MYRIP: variants seen among roughly 807,000 people sequenced by gnomAD.
The protein encoded by MYRIP is rab effector MyRIP.
Under a neutral mutation model 98.0 loss-of-function variants are expected in MYRIP, and 49 were observed. The observed-to-expected ratio is 0.50, with a 90% confidence interval of 0.40 to 0.63. The LOEUF is 0.63. MYRIP is among the 30% of genes least tolerant of loss of function. The probability of loss-of-function intolerance (pLI) is 0.00; values close to 1 mark genes in which losing one functional copy is unlikely to be tolerated. For missense variants in MYRIP, 1,004 were observed against 1,058.2 expected, an observed-to-expected ratio of 0.95 and a Z score of 0.71; for synonymous variants, 404 against 409.5, an observed-to-expected ratio of 0.99 and a Z score of 0.16.
intron 9 of MYRIP, among the ~76,000 whole-genome samples, chr3:40,183,419 A>G (rs1388718815): frequency 6.6e-6 from 1 of 152,172 alleles, no homozygotes; most frequent in Non-Finnish European, 1.5e-5. Flanking sequence ...ACTCTTCAAC[A>G]TGTATGGAAT....
intron 1 of MYRIP, among the ~76,000 whole-genome samples, chr3:39,832,074 TTTCTGCTGC>T (rs1372000463): frequency 6.6e-6 from 1 of 152,236 alleles, no homozygotes. Context: ...GAGGAATCTC[TTTCTGCTGC>T]TTCTGCACTC....
chr3:39,968,713 T>C (rs1575422522), intron 2 of MYRIP, among the ~76,000 whole-genome samples: 1 of 152,200 alleles, frequency 6.6e-6, no homozygotes, highest in Non-Finnish European at 1.5e-5. Context: ...CCATGCTGTT[T>C]TGGTTACCAA....
rs145484148 is a variant in MYRIP, at chr3:40,119,977, G to A, written c.333-31071G>A. On this transcript the variant is annotated intron_variant, in intron 3 of 16. Coordinates refer to ENST00000302541, the MANE Select transcript of MYRIP (RefSeq NM_015460.4). ...TAATACACAAAAAGAGAGGATATTG[G>A]CTTCACCATTAGCCAGCGATGTAGC... is the stretch of plus-strand genomic sequence containing the variant. 2.5e-3 allele frequency among the ~76,000 whole-genome samples: 374 copies of A among 152,018 alleles called. 2 individuals carry two copies. Among genetic ancestry groups the A allele is most frequent in the Middle Eastern group, 0.014 (4 of 294 alleles).
At chr3:40,121,980 A>G (rs1314651265) in intron 3 of MYRIP, among the ~76,000 whole-genome samples, 1 of 152,204 alleles carries the variant, frequency 6.6e-6, no homozygotes, top group African/African-American at 2.4e-5. Context: ...AAACAGGAAA[A>G]TAGCTATATT....
chr3:40,039,626 G>A (rs1947465121), intron 2 of MYRIP, among the ~76,000 whole-genome samples: 2 of 152,042 alleles, frequency 1.3e-5, no homozygotes, highest in Non-Finnish European at 2.9e-5. Flanking sequence ...CACCAGGGAT[G>A]GTTCTTTCAG....
chr3:40,250,893 C>T (rs1383459796), intron 15 of MYRIP, among the ~76,000 whole-genome samples: 2 of 152,362 alleles, frequency 1.3e-5, no homozygotes, highest in East Asian at 3.9e-4. Context: ...CTAAAACTCC[C>T]ATCCATCTCT....
intron 12 of MYRIP, among the ~76,000 whole-genome samples, chr3:40,238,267 C>T (rs908544317): frequency 1.1e-4 from 16 of 152,192 alleles, no homozygotes; most frequent in African/African-American, 2.9e-4. Flanking sequence ...GACTTTTCTT[C>T]GTCTCTTTAA....
intron 4 of MYRIP, among the ~76,000 whole-genome samples, chr3:40,159,818 G>A (rs942819024): frequency 5.9e-5 from 9 of 152,170 alleles, no homozygotes; most frequent in African/African-American, 2.2e-4. Context: ...TCTTCACGTA[G>A]TTCTCGAGCC....
chr3:40,070,003 TACATAG>T (rs1308445417), intron 3 of MYRIP, among the ~76,000 whole-genome samples: 1 of 152,188 alleles, frequency 6.6e-6, no homozygotes, highest in Non-Finnish European at 1.5e-5. Flanking sequence ...CATGAAAAGA[TACATAG>T]ACATAAATTT....
intron 2 of MYRIP, among the ~76,000 whole-genome samples, chr3:39,903,811 C>G (rs1166469679): frequency 4.6e-5 from 7 of 152,170 alleles, no homozygotes; most frequent in African/African-American, 1.7e-4. Flanking sequence ...TTTTGTTTTC[C>G]AGATTCTCTC....
At chr3:40,066,629 AT>A (rs1487916395) in intron 3 of MYRIP, among the ~76,000 whole-genome samples, 3 of 151,882 alleles carry the variant, frequency 2.0e-5, no homozygotes, top group Non-Finnish European at 4.4e-5. Context: ...TCCTGGTTGA[AT>A]TTTTTTTTAT....
At chr3:40,185,326 T>A (rs894639065) in intron 9 of MYRIP, among the ~76,000 whole-genome samples, 3 of 152,170 alleles carry the variant, frequency 2.0e-5, no homozygotes, top group African/African-American at 7.2e-5. Context: ...TAAACCTTGA[T>A]TAGGCATCTG....
chr3:40,225,914 G>A (rs1334741022), intron 11 of MYRIP, among the ~76,000 whole-genome samples: 1 of 152,108 alleles, frequency 6.6e-6, no homozygotes, highest in Non-Finnish European at 1.5e-5. Flanking sequence ...GCTCAAACAT[G>A]TCTTTAGATG....
intron 3 of MYRIP, among the ~76,000 whole-genome samples, chr3:40,058,414 A>C (rs1947928197): frequency 6.6e-6 from 1 of 152,200 alleles, no homozygotes; most frequent in South Asian, 2.1e-4. Flanking sequence ...AACTATTTGT[A>C]CTGTATCTCA....
chr3:40,211,582 C>T (rs530790973), intron 11 of MYRIP, among the ~76,000 whole-genome samples: 2 of 152,214 alleles, frequency 1.3e-5, no homozygotes, highest in South Asian at 2.1e-4. Flanking sequence ...ATGGTAAGGG[C>T]TCTGATCCTC....
At chr3:40,142,047 A>ATTTTTTTTTTTTTT (rs768094065) in intron 3 of MYRIP, among the ~76,000 whole-genome samples, 1 of 95,950 alleles carries the variant, frequency 1.0e-5, no homozygotes, top group Non-Finnish European at 2.0e-5. Flanking sequence ...TATGCTGTTG[A>ATTTTTTTTTTTTTT]TTTTTTTTTT....
At chr3:40,227,798 C>T (rs2125693242) in intron 11 of MYRIP, among the ~76,000 whole-genome samples, 1 of 152,288 alleles carries the variant, frequency 6.6e-6, no homozygotes, top group Admixed American at 6.5e-5. Flanking sequence ...AGGAGAGGCG[C>T]ACAACTCTGG....
chr3:40,190,853 G>A (rs1165071998), intron 10 of MYRIP, among the ~76,000 whole-genome samples: 2 of 152,200 alleles, frequency 1.3e-5, no homozygotes, highest in Non-Finnish European at 2.9e-5. Context: ...TGGGTTTAGG[G>A]TGAGGGATCT....
At chr3:39,844,832 A>G (rs1941911020) in intron 1 of MYRIP, among the ~76,000 whole-genome samples, 1 of 152,180 alleles carries the variant, frequency 6.6e-6, no homozygotes, top group Non-Finnish European at 1.5e-5. Flanking sequence ...TCTATTTATT[A>G]TAGACACTTT....
Sources: gnomAD v4.1 joint callset for allele counts (sites outside exome capture counted in the v4.1 genomes callset) on GRCh38, gnomAD v4.1.1 for gene constraint, MANE v1.5 for transcripts, NCBI Gene and HGNC (gene_info 2026-07-23, HGNC 2026-07-21) for gene names.